The following DIAPH1 variants were observed in gnomAD, a reference collection of about 807,000 sequenced individuals.
The protein encoded by DIAPH1 is protein diaphanous homolog 1.
A neutral mutation model predicts 140.7 loss-of-function variants in DIAPH1; 46 were observed. The ratio of observed to expected loss-of-function variants is 0.33; its 90% CI spans 0.26 to 0.42. The LOEUF (loss-of-function observed/expected upper bound fraction) is 0.42, where lower values mean the gene tolerates loss of function less well. Ranked by LOEUF, DIAPH1 falls within the 10% of genes least tolerant of loss-of-function variation. DIAPH1 has a pLI of 1.00. For missense variants in DIAPH1, 1,310 were observed against 1,558.7 expected (o/e 0.84, Z 2.69); for synonymous variants, 565 against 551.6 (o/e 1.02, Z -0.34).
chr5:141,586,936 G>C, intron 3 of DIAPH1, 106 bp downstream of exon 3: 1 of 1,205,832 alleles, frequency 8.3e-7, no homozygotes, highest in Non-Finnish European at 1.2e-6. Flanking sequence ...TGTTAAGCCT[G>C]GAATTCTTTG....
chr5:141,526,224 C>T (rs767451157), intron 25 of DIAPH1, 51 bp from the exon 26 acceptor site: 3 of 1,614,072 alleles, frequency 1.9e-6, no homozygotes, highest in South Asian at 1.1e-5. Flanking sequence ...ATACCTACTA[C>T]CAGCCAACAG....
At position 141,515,831 on chromosome 5, in the gene DIAPH1, G is replaced by C. The variant is rs2099885598; in HGVS notation, c.*1020C>G. ...GGCACATTCAGGATTGGGCCTGTGA[G>C]AAGAAATCCCAGAACTCTGTAACCT... is the stretch of plus-strand genomic sequence containing the variant. On this transcript the variant is annotated 3_prime_UTR_variant, in exon 28 of 28. Transcript: ENST00000389054. The C allele has an allele frequency of 2.0e-5, 3 of 152,284 alleles. No homozygotes were observed. Among genetic ancestry groups the C allele is most frequent in the African/African-American group, 7.2e-5 (3 of 41,440 alleles). The allele number at this position is 152,284 out of a possible 1,614,324, so 9.4% of individuals were successfully genotyped here.
At position 141,618,973 on chromosome 5, in the gene DIAPH1, G is replaced by C; in HGVS notation, c.-59C>G. ...TACGCCGCTCCCGCCTGGCAGCTCCGCGCCCGCCGCCGCCCAGTCGCTCTT... is the reference window on the plus strand; with the variant it reads ...TACGCCGCTCCCGCCTGGCAGCTCCCCGCCCGCCGCCGCCCAGTCGCTCTT... On this transcript the variant is annotated 5_prime_UTR_variant, in exon 1 of 28. Coordinates refer to ENST00000389054, the MANE Select transcript of DIAPH1 (RefSeq NM_005219.5). 3 of 966,122 alleles carry C rather than the reference G, an allele frequency of 3.1e-6. No individual in the cohort carries two copies. The highest frequency in any genetic ancestry group is 2.4e-5 in the South Asian group (1 of 42,458). 59.8% of individuals were successfully genotyped at this position (966,122 alleles called of 1,614,324 possible).
At chr5:141,522,281 T>C (rs1412813640) in intron 27 of DIAPH1, among the ~76,000 whole-genome samples, 1 of 152,240 alleles carries the variant, frequency 6.6e-6, no homozygotes, top group Non-Finnish European at 1.5e-5. Flanking sequence ...TCCAATTTAG[T>C]ATCTCCTAGT....
chr5:141,610,341 G>A (rs1337088000), intron 1 of DIAPH1, among the ~76,000 whole-genome samples: 3 of 150,706 alleles, frequency 2.0e-5, no homozygotes, highest in African/African-American at 4.9e-5. Flanking sequence ...TCACTCTGTC[G>A]CCAGGCTGGA....
chr5:141,518,747 T>C (rs758766974), intron 27 of DIAPH1: 42 of 624,780 alleles, frequency 6.7e-5, no homozygotes, highest in Non-Finnish European at 8.6e-6. Flanking sequence ...GGTCTTGAAC[T>C]CCTGGGCTCA....
chr5:141,567,021 T>C (rs1347714847), intron 18 of DIAPH1, among the ~76,000 whole-genome samples: 5 of 152,300 alleles, frequency 3.3e-5, no homozygotes, highest in African/African-American at 9.6e-5. Context: ...TAATGGACCA[T>C]GAATTCCAGA....
chr5:141,536,040 C>A, intron 18 of DIAPH1: 1 of 468,624 alleles, frequency 2.1e-6, no homozygotes, highest in Non-Finnish European at 4.4e-6. Flanking sequence ...TGGCTCACAC[C>A]TGTAATCCCA....
chr5:141,595,561 T>C (rs1356556695), intron 1 of DIAPH1, among the ~76,000 whole-genome samples: 1 of 152,088 alleles, frequency 6.6e-6, no homozygotes, highest in Non-Finnish European at 1.5e-5. Context: ...TCTCATGAAA[T>C]CTTATGGTTT....
intron 27 of DIAPH1, among the ~76,000 whole-genome samples, chr5:141,517,898 A>G (rs1273982966): frequency 6.6e-6 from 1 of 152,198 alleles, no homozygotes; most frequent in African/African-American, 2.4e-5. Flanking sequence ...TATGGTATCT[A>G]GGCTTATGGC....
intron 17 of DIAPH1, 107 bp downstream of exon 17, chr5:141,571,819 C>T (rs1350967087): frequency 4.7e-6 from 4 of 845,980 alleles, no homozygotes; most frequent in African/African-American, 1.7e-5. Context: ...TTCCATCCAA[C>T]ATACCCTTTC....
intron 27 of DIAPH1, chr5:141,518,708 A>C (rs2099886075): frequency 1.8e-6 from 1 of 548,268 alleles, no homozygotes; most frequent in Non-Finnish European, 3.3e-6. Context: ...TTTTTTGCAG[A>C]GATGGGGTCT....
chr5:141,569,189 TC>T (rs1243679226), intron 18 of DIAPH1, among the ~76,000 whole-genome samples: 1 of 152,088 alleles, frequency 6.6e-6, no homozygotes, highest in Non-Finnish European at 1.5e-5. Context: ...CATACACACT[TC>T]CTAAGAAGTA....
At chr5:141,552,610 TG>T (rs929686165) in intron 18 of DIAPH1, among the ~76,000 whole-genome samples, 15 of 152,224 alleles carry the variant, frequency 9.9e-5, no homozygotes, top group African/African-American at 3.6e-4. Flanking sequence ...CCTCCAGAAC[TG>T]TAAGATAATA....
At chr5:141,543,076 C>CA (rs537180742) in intron 18 of DIAPH1, among the ~76,000 whole-genome samples, 25,852 of 103,950 alleles carry the variant, frequency 0.25, 2,314 homozygotes, top group Admixed American at 0.37. Flanking sequence ...AGTTTAGTTA[C>CA]AAAAAAAAAA....
Position 141,525,490 on chromosome 5 carries a change from G to A in DIAPH1, c.3574+548C>T, listed in dbSNP as rs2099887195. 2.6e-5 allele frequency among the ~76,000 whole-genome samples: 4 copies of A among 152,250 alleles called. No homozygotes were observed. In the South Asian group the frequency reaches 8.3e-4, roughly 32 times the overall value. On this transcript the variant is annotated intron_variant, in intron 26 of 27. Transcript: ENST00000389054. ...TATGTTTCAACAAAGACATGCTTCT[G>A]GTAGTGAAACAGAGATTCTGCTGAA...
intron 1 of DIAPH1, among the ~76,000 whole-genome samples, chr5:141,592,143 T>C (rs1234770460): frequency 6.6e-6 from 1 of 150,394 alleles, no homozygotes; most frequent in Non-Finnish European, 1.5e-5. Flanking sequence ...TAGTGTTCAA[T>C]TTGGGGAAGG....
intron 18 of DIAPH1, among the ~76,000 whole-genome samples, chr5:141,542,843 T>C (rs750943360): frequency 1.3e-5 from 2 of 152,234 alleles, no homozygotes; most frequent in Non-Finnish European, 2.9e-5. Context: ...GTTAATTTTA[T>C]GTTGTGTGAA....
At chr5:141,534,888 C>T (rs1174855031) in intron 18 of DIAPH1, among the ~76,000 whole-genome samples, 1 of 152,186 alleles carries the variant, frequency 6.6e-6, no homozygotes, top group Non-Finnish European at 1.5e-5. Context: ...CAGTCCCCTT[C>T]CACCATGTTA....
Sources: gnomAD v4.1 joint callset for allele counts (sites outside exome capture counted in the v4.1 genomes callset) on GRCh38, gnomAD v4.1.1 for gene constraint, MANE v1.5 for transcripts, NCBI Gene and HGNC (gene_info 2026-07-23, HGNC 2026-07-21) for gene names.